Variants in BRINP2 observed in about 807,000 individuals in gnomAD.
The protein encoded by BRINP2 is BMP/retinoic acid inducible neural specific 2.
Under a neutral mutation model 69.2 loss-of-function variants are expected in BRINP2, and 21 were observed. That is an observed-to-expected ratio of 0.30 (90% CI 0.22 to 0.44). BRINP2 has a LOEUF of 0.44. BRINP2 is among the 20% of genes least tolerant of loss of function. The pLI is 1.00. For synonymous variants in BRINP2, 380 were observed against 394.1 expected (o/e 0.96, Z 0.42); for missense variants, 877 against 986.0 (o/e 0.89, Z 1.48).
At chr1:177,216,563 C>T (rs188537375) in intron 1 of BRINP2, among the ~76,000 whole-genome samples, 1 of 152,160 alleles carries the variant, frequency 6.6e-6, no homozygotes, top group East Asian at 1.9e-4. Context: ...CCACATTTTG[C>T]TACATAAAAC....
At chr1:177,275,362 G>A (rs1433018783) in intron 5 of BRINP2, among the ~76,000 whole-genome samples, 1 of 152,132 alleles carries the variant, frequency 6.6e-6, no homozygotes, top group Admixed American at 6.5e-5. Flanking sequence ...ATCTATCCAG[G>A]CATGACTGAT....
At chr1:177,279,369 A>G (rs1651619266) in intron 7 of BRINP2, among the ~76,000 whole-genome samples, 1 of 152,258 alleles carries the variant, frequency 6.6e-6, no homozygotes, top group East Asian at 1.9e-4. Flanking sequence ...TAAAAACTAG[A>G]AAATTATAAC....
chr1:177,266,699 G>A (rs1489605351), intron 4 of BRINP2, among the ~76,000 whole-genome samples: 2 of 147,742 alleles, frequency 1.4e-5, no homozygotes, highest in South Asian at 2.1e-4. Context: ...GGTGGAGCTT[G>A]CAGTGAGTCG....
chr1:177,203,746 A>G (rs1382581392), intron 1 of BRINP2, among the ~76,000 whole-genome samples: 2 of 152,204 alleles, frequency 1.3e-5, no homozygotes, highest in Admixed American at 6.5e-5. Context: ...AAACGGACCA[A>G]AAGAAATAAT....
intron 1 of BRINP2, among the ~76,000 whole-genome samples, chr1:177,182,247 G>A (rs1445833931): frequency 2.0e-5 from 3 of 151,390 alleles, no homozygotes; most frequent in African/African-American, 7.3e-5. Flanking sequence ...CCTCCATCAA[G>A]ATAATATCCT....
At chr1:177,248,480 T>C (rs1287356926) in intron 2 of BRINP2, among the ~76,000 whole-genome samples, 1 of 151,454 alleles carries the variant, frequency 6.6e-6, no homozygotes, top group African/African-American at 2.4e-5. Flanking sequence ...TGCGTGTGTG[T>C]GTGTGTGTGC....
At chr1:177,266,633 A>G (rs947964587) in intron 4 of BRINP2, among the ~76,000 whole-genome samples, 5 of 150,890 alleles carry the variant, frequency 3.3e-5, no homozygotes, top group Admixed American at 6.6e-5. Flanking sequence ...GGTGGCGGGC[A>G]CCTGTAGTCC....
intron 1 of BRINP2, among the ~76,000 whole-genome samples, chr1:177,207,615 T>A (rs1054983822): frequency 6.6e-6 from 1 of 152,160 alleles, no homozygotes; most frequent in African/African-American, 2.4e-5. Context: ...AACCTCAGAA[T>A]CTGGATTCTG....
chr1:177,172,391 ATC>A (rs929286326), intron 1 of BRINP2, among the ~76,000 whole-genome samples: 4 of 152,082 alleles, frequency 2.6e-5, no homozygotes, highest in Non-Finnish European at 4.4e-5. Flanking sequence ...CATCTAGCAG[ATC>A]TCTGTCTCTG....
intron 2 of BRINP2, among the ~76,000 whole-genome samples, chr1:177,231,003 A>G (rs1257481696): frequency 6.6e-6 from 1 of 152,222 alleles, no homozygotes; most frequent in African/African-American, 2.4e-5. Flanking sequence ...TTTTCATGCA[A>G]AAAGAAAAAA....
rs1647914478 is a variant in BRINP2 at position 177,171,122 on chromosome 1, G to A, written c.-687G>A. Among the ~76,000 whole-genome samples, 1 of 152,244 alleles carries A rather than the reference G, an allele frequency of 6.6e-6. No homozygotes were observed. The highest frequency in any genetic ancestry group is 1.5e-5 in the Non-Finnish European group (1 of 68,036). Reference sequence around the variant, plus strand: ...ATCCCATTAGGACTTGCCCGGGGATGTGCACCTGCCGTGCGCTCCGAGGTC... The same window carrying A: ...ATCCCATTAGGACTTGCCCGGGGATATGCACCTGCCGTGCGCTCCGAGGTC... On this transcript the variant is annotated 5_prime_UTR_variant, in exon 1 of 8. The change creates a new upstream start codon in the 5' untranslated region. Coordinates refer to ENST00000361539, the MANE Select transcript of BRINP2 (RefSeq NM_021165.4).
intron 1 of BRINP2, 44 bp from the exon 2 acceptor site, chr1:177,229,757 G>A (rs926248933): frequency 7.3e-7 from 1 of 1,373,344 alleles, no homozygotes. Flanking sequence ...AGGCCCATGG[G>A]GTAACAGGGT....
intron 5 of BRINP2, 53 bp downstream of exon 5, chr1:177,273,646 A>G (rs939037108): frequency 2.6e-6 from 3 of 1,159,392 alleles, no homozygotes; most frequent in Non-Finnish European, 1.2e-6. Context: ...TTAAAAAAAA[A>G]AATTCCTAGA....
chr1:177,214,613 C>T (rs972464149), intron 1 of BRINP2, among the ~76,000 whole-genome samples: 26 of 152,090 alleles, frequency 1.7e-4, no homozygotes, highest in African/African-American at 5.6e-4. Flanking sequence ...TGGGGATTTC[C>T]GTGATTTAGG....
At chr1:177,279,544 A>G (rs554344299) in intron 7 of BRINP2, among the ~76,000 whole-genome samples, 73 of 152,348 alleles carry the variant, frequency 4.8e-4, no homozygotes, top group African/African-American at 1.7e-3. Context: ...ACAGTCTTCC[A>G]GGCAAAGGAG....
intron 1 of BRINP2, among the ~76,000 whole-genome samples, chr1:177,223,042 T>C (rs548600310): frequency 6.6e-6 from 1 of 152,326 alleles, no homozygotes; most frequent in South Asian, 2.1e-4. Context: ...TTCTATTTGC[T>C]AGTGATCCCC....
chr1:177,251,540 T>A (rs1289902649), intron 2 of BRINP2, among the ~76,000 whole-genome samples: 1 of 152,206 alleles, frequency 6.6e-6, no homozygotes, highest in African/African-American at 2.4e-5. Context: ...ACTACTTTCT[T>A]AATCTCTCTG....
chr1:177,256,258 T>C lies in BRINP2; in HGVS notation c.460+149T>C, dbSNP rs1650752747. 3 of 1,410,536 alleles carry C rather than the reference T, an allele frequency of 2.1e-6. No homozygotes were observed. The South Asian group carries it at 4.6e-5, about 22-fold the overall frequency. 87.4% of individuals were successfully genotyped at this position (1,410,536 alleles called of 1,614,324 possible). ...TCTGGTGCATTTGAAAACAGTGCAG[T>C]CTCTTGACATCTCAATTTACCCCAG... On this transcript the variant is annotated intron_variant, in intron 3 of 7. Coordinates refer to ENST00000361539, the MANE Select transcript of BRINP2 (RefSeq NM_021165.4).
At chr1:177,192,176 A>G (rs1648614605) in intron 1 of BRINP2, among the ~76,000 whole-genome samples, 1 of 152,190 alleles carries the variant, frequency 6.6e-6, no homozygotes, top group South Asian at 2.1e-4. Context: ...CTGTAAACCT[A>G]ATTTCCTCTC....
Sources: allele counts gnomAD v4.1 joint callset (sites outside exome capture counted in the v4.1 genomes callset), GRCh38; gene constraint gnomAD v4.1.1; transcripts MANE v1.5; gene names NCBI Gene and HGNC (gene_info 2026-07-23, HGNC 2026-07-21).